The following CNTN3 variants were observed in gnomAD, a reference collection of about 807,000 sequenced individuals.
CNTN3 encodes the protein contactin 3, also known as contactin-3.
Under a neutral mutation model 119.1 loss-of-function variants are expected in CNTN3, and 60 were observed. The ratio of observed to expected loss-of-function variants is 0.50; its 90% CI spans 0.41 to 0.62. CNTN3 has a LOEUF of 0.62. Ranked by LOEUF, CNTN3 falls within the 20% of genes least tolerant of loss-of-function variation. CNTN3 has a pLI of 0.00. For synonymous variants in CNTN3, 450 were observed against 438.7 expected, an observed-to-expected ratio of 1.03 and a Z score of -0.32; for missense variants, 1,101 against 1,242.4, an observed-to-expected ratio of 0.89 and a Z score of 1.71.
chr3:74,548,258 A>G (rs1007865804), intron 1 of CNTN3, among the ~76,000 whole-genome samples: 2 of 152,208 alleles, frequency 1.3e-5, no homozygotes, highest in African/African-American at 4.8e-5. Context: ...TGGTGATGAA[A>G]AGAATCTTTG....
chr3:74,423,013 T>G (rs1218511254), intron 5 of CNTN3, among the ~76,000 whole-genome samples: 1 of 152,110 alleles, frequency 6.6e-6, no homozygotes, highest in African/African-American at 2.4e-5. Flanking sequence ...TATTTAGCAT[T>G]AAGGATCACA....
chr3:74,391,557 CTTTTTTTT>C (rs554976641), intron 5 of CNTN3, among the ~76,000 whole-genome samples: 189 of 87,036 alleles, frequency 2.2e-3, no homozygotes, highest in South Asian at 0.016. Flanking sequence ...CCCATAGTTT[CTTTTTTTT>C]TTTTTTTTTT....
At chr3:74,543,990 TATTTGA>T (rs1442926797) in intron 1 of CNTN3, among the ~76,000 whole-genome samples, 1 of 152,246 alleles carries the variant, frequency 6.6e-6, no homozygotes, top group Non-Finnish European at 1.5e-5. Flanking sequence ...TTTTTAATCA[TATTTGA>T]ATGACAAGTT....
chr3:74,393,539 C>G (rs948750582), intron 5 of CNTN3, among the ~76,000 whole-genome samples: 1 of 152,300 alleles, frequency 6.6e-6, no homozygotes, highest in Non-Finnish European at 1.5e-5. Flanking sequence ...AACACTTAAA[C>G]CAAAATGTAA....
rs1233945136 is a variant in CNTN3, at chr3:74,579,383, T to C, written c.-81+35008A>G. 3.4e-5 allele frequency among the ~76,000 whole-genome samples: 5 copies of C among 145,410 alleles called. No individual in the cohort carries two copies. The East Asian group carries it at 6.0e-4, about 17-fold the overall frequency. ...CCCCCTCAAAAAAAAAAAAAGACAG[T>C]AGAGACAGAAAAGGCTTGAAAAACA... On this transcript the variant is annotated intron_variant, in intron 1 of 22. Transcript: ENST00000263665.
chr3:74,366,897 T>A (rs2106783354), intron 8 of CNTN3, among the ~76,000 whole-genome samples: 1 of 145,498 alleles, frequency 6.9e-6, no homozygotes, highest in African/African-American at 2.6e-5. Flanking sequence ...ATGATCAGCC[T>A]GAGATGGAAC....
At chr3:74,401,417 G>A (rs1176723702) in intron 5 of CNTN3, among the ~76,000 whole-genome samples, 2 of 152,076 alleles carry the variant, frequency 1.3e-5, no homozygotes, top group African/African-American at 2.4e-5. Flanking sequence ...TCAGCTCCAA[G>A]TCACAGGGCT....
intron 5 of CNTN3, among the ~76,000 whole-genome samples, chr3:74,403,473 G>C (rs1433859231): frequency 6.6e-6 from 1 of 152,126 alleles, no homozygotes; most frequent in Admixed American, 6.5e-5. Flanking sequence ...CCAGAACTCA[G>C]ACTCGACCCA....
chr3:74,488,039 T>C (rs1325843456), intron 3 of CNTN3, among the ~76,000 whole-genome samples: 1 of 149,606 alleles, frequency 6.7e-6, no homozygotes, highest in East Asian at 1.9e-4. Context: ...AATTATATAG[T>C]GTAATACATC....
intron 4 of CNTN3, among the ~76,000 whole-genome samples, chr3:74,484,641 A>C (rs1018660636): frequency 6.6e-6 from 1 of 152,168 alleles, no homozygotes; most frequent in Non-Finnish European, 1.5e-5. Context: ...TATGTTTTAA[A>C]CTAGAAAGAT....
intron 5 of CNTN3, among the ~76,000 whole-genome samples, chr3:74,380,524 A>G (rs1021217571): frequency 2.0e-5 from 3 of 152,224 alleles, no homozygotes; most frequent in African/African-American, 7.2e-5. Context: ...TTATGATTTG[A>G]TTGACCTGCC....
intron 1 of CNTN3, among the ~76,000 whole-genome samples, chr3:74,524,972 G>C (rs1235387789): frequency 6.6e-6 from 1 of 151,824 alleles, no homozygotes; most frequent in Non-Finnish European, 1.5e-5. Context: ...TATGAAATGA[G>C]ACTGCAGATG....
intron 13 of CNTN3, among the ~76,000 whole-genome samples, chr3:74,310,727 A>G (rs1450104568): frequency 6.6e-6 from 1 of 152,190 alleles, no homozygotes; most frequent in Admixed American, 6.5e-5. Context: ...AGTATACTAA[A>G]TTTCAGGAGG....
chr3:74,493,742 T>C (rs1298153660), intron 3 of CNTN3, among the ~76,000 whole-genome samples: 1 of 152,200 alleles, frequency 6.6e-6, no homozygotes, highest in African/African-American at 2.4e-5. Flanking sequence ...GTGATGAGAA[T>C]AATTGCAGCC....
intron 1 of CNTN3, among the ~76,000 whole-genome samples, chr3:74,594,932 A>G (rs1479015104): frequency 1.3e-5 from 2 of 152,080 alleles, no homozygotes; most frequent in South Asian, 4.1e-4. Context: ...AAGTGTTCCT[A>G]TTTCTCCACA....
chr3:74,383,474 C>T (rs1000484138), intron 5 of CNTN3, among the ~76,000 whole-genome samples: 2 of 151,966 alleles, frequency 1.3e-5, no homozygotes, highest in African/African-American at 4.8e-5. Context: ...CTATGCAGAT[C>T]TCAGATTTTT....
intron 1 of CNTN3, among the ~76,000 whole-genome samples, chr3:74,547,520 C>T (rs561786480): frequency 5.9e-5 from 9 of 152,238 alleles, no homozygotes; most frequent in African/African-American, 2.2e-4. Context: ...ACCTGGCAAA[C>T]AAATGTTATC....
chr3:74,453,861 T>C (rs1485092421), intron 4 of CNTN3, among the ~76,000 whole-genome samples: 1 of 152,196 alleles, frequency 6.6e-6, no homozygotes, highest in African/African-American at 2.4e-5. Context: ...TCTAGTTTGA[T>C]TGCACTGTGG....
chr3:74,275,908 A>G (rs1404101973), intron 20 of CNTN3, among the ~76,000 whole-genome samples: 1 of 152,144 alleles, frequency 6.6e-6, no homozygotes, highest in Non-Finnish European at 1.5e-5. Context: ...CACCTAACAC[A>G]TAGGGACTCA....
Sources: allele counts gnomAD v4.1 joint callset (sites outside exome capture counted in the v4.1 genomes callset), GRCh38; gene constraint gnomAD v4.1.1; transcripts MANE v1.5; gene names NCBI Gene and HGNC (gene_info 2026-07-23, HGNC 2026-07-21).